Variants in SPTB observed in about 807,000 individuals in gnomAD.
The protein encoded by SPTB is spectrin beta, erythrocytic, also known as spectrin beta chain, erythrocytic.
Under a neutral mutation model 256.2 loss-of-function variants are expected in SPTB, and 45 were observed. The ratio of observed to expected loss-of-function variants is 0.18; its 90% confidence interval spans 0.14 to 0.23. The LOEUF (loss-of-function observed/expected upper bound fraction) is 0.23, where lower values mean the gene tolerates loss of function less well. SPTB is among the 10% of genes least tolerant of loss of function. The probability of loss-of-function intolerance (pLI) is 1.00; values close to 1 mark genes in which losing one functional copy is unlikely to be tolerated. For missense variants in SPTB, 2,715 were observed against 3,040.4 expected (o/e 0.89, Z 2.52); for synonymous variants, 1,231 against 1,243.1 (o/e 0.99, Z 0.21).
At chr14:64,750,350 C>T in intron 33 of SPTB, 196 bp from the exon 34 acceptor site, 1 of 621,624 alleles carries the variant, frequency 1.6e-6, no homozygotes, top group East Asian at 3.0e-5. Flanking sequence ...TGTATTCCTT[C>T]TAGTCTTCAC....
Position 64,873,602 on chromosome 14 carries a change from C to T in SPTB, c.-52+6190G>A, listed in dbSNP as rs1882665193. On this transcript the variant is annotated intron_variant, in intron 1 of 35. Transcript: ENST00000644917. This position sits in a 1 kb window ranked among gnomAD's most constrained non-coding sequence, Gnocchi z 4.3. ...GAGGGCCATTCTTGAGGTTCTGTGG[C>T]TATGGTAAAGGGTAATACCATTAAC... Among the ~76,000 whole-genome samples the T allele has an allele frequency of 6.6e-6, 1 of 152,160 alleles. No individual in the cohort carries two copies. Among genetic ancestry groups the T allele is most frequent in the South Asian group, 2.1e-4 (1 of 4,836 alleles).
intron 1 of SPTB, among the ~76,000 whole-genome samples, chr14:64,835,387 A>G (rs2139737302): frequency 6.6e-6 from 1 of 152,322 alleles, no homozygotes; most frequent in South Asian, 2.1e-4. Flanking sequence ...CTGGGATTAC[A>G]GGCACTCGCC....
intron 1 of SPTB, among the ~76,000 whole-genome samples, chr14:64,861,749 T>A (rs1466440968): frequency 1.3e-5 from 2 of 152,228 alleles, no homozygotes; most frequent in Non-Finnish European, 2.9e-5. Context: ...TCCTCTGTAG[T>A]TCCTGATCAT....
Position 64,795,750 on chromosome 14 carries a change from T to A in SPTB, c.1342-111A>T, listed in dbSNP as rs1300519618. ...AACCAGTGCTAGATGGGAAAGCACA[T>A]TCCCAAGAAGCAGCTAGTTCTGCCT... On this transcript the variant is annotated intron_variant, in intron 11 of 35. Transcript: ENST00000644917. The surrounding 1 kb of genome is among the most constrained non-coding windows in gnomAD (Gnocchi z 6.5). 2 of 1,148,440 alleles carry A rather than the reference T, an allele frequency of 1.7e-6. No homozygotes were observed. Among genetic ancestry groups the A allele is most frequent in the Non-Finnish European group, 2.6e-6 (2 of 782,240 alleles). 71.1% of individuals were successfully genotyped at this position (1,148,440 alleles called of 1,614,324 possible).
intron 1 of SPTB, among the ~76,000 whole-genome samples, chr14:64,848,546 A>T (rs572695828): frequency 6.6e-6 from 1 of 152,334 alleles, no homozygotes; most frequent in South Asian, 2.1e-4. Flanking sequence ...AACCTCTGAT[A>T]TTCAATTTTC....
At chr14:64,762,627 C>T (rs893928512) in intron 32 of SPTB, among the ~76,000 whole-genome samples, 2 of 152,230 alleles carry the variant, frequency 1.3e-5, no homozygotes, top group African/African-American at 4.8e-5. Context: ...TCAGCTCCTA[C>T]GTTCAGCCCT....
chr14:64,832,467 A>T (rs984824440), intron 1 of SPTB, among the ~76,000 whole-genome samples: 1 of 152,024 alleles, frequency 6.6e-6, no homozygotes, highest in Non-Finnish European at 1.5e-5. Flanking sequence ...CTCCCAAGTT[A>T]TCTCCTGGGC....
At chr14:64,804,853 A>C in intron 3 of SPTB, 86 bp downstream of exon 3, 1 of 1,562,926 alleles carries the variant, frequency 6.4e-7, no homozygotes, top group Non-Finnish European at 8.8e-7. Flanking sequence ...TGGGAAGGCC[A>C]GGAGAACTTG....
intron 1 of SPTB, among the ~76,000 whole-genome samples, chr14:64,848,987 A>C (rs1179682528): frequency 1.3e-5 from 2 of 152,228 alleles, no homozygotes; most frequent in East Asian, 1.9e-4. Flanking sequence ...CATCATATGG[A>C]TCATAATCCC....
intron 2 of SPTB, among the ~76,000 whole-genome samples, chr14:64,805,800 T>C (rs1181382132): frequency 2.6e-5 from 4 of 151,996 alleles, no homozygotes; most frequent in Admixed American, 2.6e-4. Flanking sequence ...CCTCAAGGAG[T>C]TCCTGATAGG....
rs749951726 is a variant in SPTB at position 64,769,157 on chromosome 14, A to C, written c.5938-39T>G. ...AGGGAGAAAAGCTCAGGCTTGGCTCACCCTTCACCATCTGAGGCAGTGCGC... is the reference window on the plus strand; with the variant it reads ...AGGGAGAAAAGCTCAGGCTTGGCTCCCCCTTCACCATCTGAGGCAGTGCGC... On this transcript the variant is annotated intron_variant, in intron 28 of 35. Transcript: ENST00000644917. The C allele has an allele frequency of 4.7e-5, 75 of 1,587,686 alleles. 1 individual carries two copies. The Admixed American group carries it at 1.3e-3, about 26-fold the overall frequency.
intron 15 of SPTB, among the ~76,000 whole-genome samples, chr14:64,791,295 C>T (rs2082666032): frequency 6.6e-6 from 1 of 151,974 alleles, no homozygotes; most frequent in Admixed American, 6.6e-5. Context: ...GGTGGGGGCG[C>T]GGTGGCTTAT....
chr14:64,872,649 C>T (rs1030874432), intron 1 of SPTB, among the ~76,000 whole-genome samples: 1 of 152,238 alleles, frequency 6.6e-6, no homozygotes, highest in East Asian at 1.9e-4. Flanking sequence ...AGTGGCCCCA[C>T]GTTGGGGGCT....
rs751243495 is a variant in SPTB at position 64,793,367 on chromosome 14, G to A, written c.2296C>T (p.Leu766Phe). 1.2e-6 allele frequency: 2 copies of A among 1,612,262 alleles called. No homozygotes were observed. The highest frequency in any genetic ancestry group is 1.1e-5 in the South Asian group (1 of 91,094). ...KAWLQDAHRLLSGEDVGQDEG... is the reference protein window; with the variant it reads ...KAWLQDAHRLFSGEDVGQDEG... ...TCCTGCCCCACATCTTCACCAGAGA[G>A]CAGCCGGTGGGCGTCTTGCAGCCAA... Residue 766 changes from leucine to phenylalanine, a missense_variant, in exon 14 of 36, where the codon CTC becomes TTC. Transcript: ENST00000644917. This position sits in a 1 kb window ranked among gnomAD's most constrained non-coding sequence, Gnocchi z 7.0.
Position 64,750,049 on chromosome 14 carries a change from C to G in SPTB, c.6708G>C (p.Leu2236=). 1 of 1,614,216 alleles carries G rather than the reference C, an allele frequency of 6.2e-7. No individual in the cohort carries two copies. Among genetic ancestry groups the G allele is most frequent in the South Asian group, 1.1e-5 (1 of 91,080 alleles). ...LGMPYHGEEP[L]ALRHAICEIA... ...TCTCACAGATGGCATGTCTCAGGGCCAGGGGTTCCTCCCCATGGTAGGGCA... is the reference window on the plus strand; with the variant it reads ...TCTCACAGATGGCATGTCTCAGGGCGAGGGGTTCCTCCCCATGGTAGGGCA... Residue 2236 remains leucine, a synonymous_variant, in exon 34 of 36, where the codon CTG becomes CTC. Coordinates refer to ENST00000644917, the MANE Select transcript of SPTB (RefSeq NM_001355436.2).
chr14:64,864,073 C>G (rs893806823), intron 1 of SPTB, among the ~76,000 whole-genome samples: 3 of 152,144 alleles, frequency 2.0e-5, no homozygotes, highest in Non-Finnish European at 2.9e-5. Context: ...ATCATGAATT[C>G]AGGACTCAAA....
Position 64,795,309 on chromosome 14 carries a change from C to G in SPTB, c.1644+28G>C, listed in dbSNP as rs1276592197. 5 of 1,603,618 alleles carry G rather than the reference C, an allele frequency of 3.1e-6. No homozygotes were observed. The African/African-American group carries it at 6.7e-5, about 21-fold the overall frequency. ...GAGACCCAAGGTGAGCACTGCAGGG[C>G]ATGGCGGGGGCGGCCCCCAGGGCCC... is the stretch of plus-strand genomic sequence containing the variant. On this transcript the variant is annotated intron_variant, in intron 12 of 35. Coordinates refer to ENST00000644917, the MANE Select transcript of SPTB (RefSeq NM_001355436.2). The surrounding 1 kb of genome is among the most constrained non-coding windows in gnomAD (Gnocchi z 6.5).
chr14:64,876,292 C>A (rs1019326451), intron 1 of SPTB, among the ~76,000 whole-genome samples: 1 of 152,100 alleles, frequency 6.6e-6, no homozygotes, highest in Non-Finnish European at 1.5e-5. Context: ...CAGGTGCCCA[C>A]CACCACACCT....
chr14:64,786,075 T>A lies in SPTB; in HGVS notation c.3562-124A>T. Reference sequence around the variant, plus strand: ...GGTATGAATGAGCCCCCTAGAGTAGTACAGGGAGGAGGCACTACTCCCCAG... The same window carrying A: ...GGTATGAATGAGCCCCCTAGAGTAGAACAGGGAGGAGGCACTACTCCCCAG... On this transcript the variant is annotated intron_variant, in intron 16 of 35. Coordinates refer to ENST00000644917, the MANE Select transcript of SPTB (RefSeq NM_001355436.2). The surrounding 1 kb of genome is among the most constrained non-coding windows in gnomAD (Gnocchi z 5.6). 1 of 1,011,786 alleles carries A rather than the reference T, an allele frequency of 9.9e-7. No individual in the cohort carries two copies. The highest frequency in any genetic ancestry group is 1.5e-6 in the Non-Finnish European group (1 of 657,994). 62.7% of individuals were successfully genotyped at this position (1,011,786 alleles called of 1,614,324 possible).
Sources: gnomAD v4.1 joint callset for allele counts (sites outside exome capture counted in the v4.1 genomes callset) on GRCh38, gnomAD v4.1.1 for gene constraint, Gnocchi (gnomAD v3.1) non-coding constraint, MANE v1.5 for transcripts, NCBI Gene and HGNC (gene_info 2026-07-23, HGNC 2026-07-21) for gene names.